Variants in CELSR1 observed in about 807,000 individuals in gnomAD.
The protein encoded by CELSR1 is adhesion G protein-coupled receptor C1.
CELSR1 carries 110 observed loss-of-function variants against 249.1 expected under a neutral mutation model. That is an observed-to-expected ratio of 0.44 (90% CI 0.38 to 0.52). CELSR1 has a LOEUF of 0.52. Among genes scored for constraint, CELSR1 ranks in the 20% least tolerant of loss-of-function variants. The pLI, the probability that CELSR1 is intolerant of heterozygous loss-of-function variation, is 0.00. For missense variants in CELSR1, 4,109 were observed against 4,296.4 expected, an observed-to-expected ratio of 0.96 and a Z score of 1.22; for synonymous variants, 2,113 against 1,900.0, an observed-to-expected ratio of 1.11 and a Z score of -2.92.
chr22:46,515,353 T>G (rs530147774), intron 1 of CELSR1, among the ~76,000 whole-genome samples: 2 of 152,274 alleles, frequency 1.3e-5, no homozygotes, highest in South Asian at 2.1e-4. Context: ...AAAGGCTAGC[T>G]TGTGAGTGGA....
In CELSR1 at chr22:46,415,953, C is replaced by T. The variant is rs376840839; in HGVS notation, c.4612-4194G>A. ...AAGTGCGTCTCCGCTGAAAGGCCGG[C>T]GTGGAGCACGAGGCGGCGGCAGAGA... On this transcript the variant is annotated intron_variant, in intron 5 of 34. Transcript: ENST00000674500. Among the ~76,000 whole-genome samples, 88 of 152,326 alleles carry T rather than the reference C, an allele frequency of 5.8e-4. 1 individual carries two copies. The highest frequency in any genetic ancestry group is 3.9e-3 in the East Asian group (20 of 5,188).
Position 46,517,521 on chromosome 22 carries a change from G to A in CELSR1, c.3544+16106C>T, listed in dbSNP as rs901817582. 6.6e-6 allele frequency among the ~76,000 whole-genome samples: 1 copy of A among 152,138 alleles called. No individual in the cohort carries two copies. Among genetic ancestry groups the A allele is most frequent in the Non-Finnish European group, 1.5e-5 (1 of 68,030 alleles). On this transcript the variant is annotated intron_variant, in intron 1 of 34. Transcript: ENST00000674500. This position sits in a 1 kb window ranked among gnomAD's most constrained non-coding sequence, Gnocchi z 5.4. ...GTGCACTGTCCCGGCGCCCCAGGCCGGCTCTTGTCTTGGTACCTCTGTCCA... is the reference window on the plus strand; with the variant it reads ...GTGCACTGTCCCGGCGCCCCAGGCCAGCTCTTGTCTTGGTACCTCTGTCCA...
At chr22:46,366,717 C>A (rs985041208) in intron 29 of CELSR1, among the ~76,000 whole-genome samples, 2 of 152,190 alleles carry the variant, frequency 1.3e-5, no homozygotes, top group Non-Finnish European at 2.9e-5. Context: ...GCCCTCCCTA[C>A]GGCCACTGCT....
At chr22:46,450,755 A>C (rs1269179680) in intron 2 of CELSR1, among the ~76,000 whole-genome samples, 2 of 152,120 alleles carry the variant, frequency 1.3e-5, no homozygotes, top group Admixed American at 1.3e-4. Context: ...CCCCATTCCA[A>C]ACCCCCACAG....
At chr22:46,492,147 G>C (rs950466756) in intron 1 of CELSR1, among the ~76,000 whole-genome samples, 1 of 152,192 alleles carries the variant, frequency 6.6e-6, no homozygotes, top group Non-Finnish European at 1.5e-5. Flanking sequence ...TGCTTCCCAG[G>C]CTCCAGCAGG....
Position 46,366,438 on chromosome 22 carries a change from T to G in CELSR1, c.8248A>C (p.Met2750Leu). 2 of 1,550,288 alleles carry G rather than the reference T, an allele frequency of 1.3e-6. No homozygotes were observed. Among genetic ancestry groups the G allele is most frequent in the African/African-American group, 2.7e-5 (2 of 73,002 alleles). ...GACTCGCCCAAGTCTGTGCGCAGCATGTCAGGCCCGTCACCGAAGGTGGTG... is the reference window on the plus strand; with the variant it reads ...GACTCGCCCAAGTCTGTGCGCAGCAGGTCAGGCCCGTCACCGAAGGTGGTG... ...CNTTFGDGPD[M>L]LRTDLGESTA... is the part of the protein sequence containing the mutation. The change falls in exon 30 of 35, where the codon ATG becomes CTG. Residue 2750 changes from methionine (M) to leucine (L), a missense_variant. By Grantham distance (15) the Met-to-Leu change is conservative (BLOSUM62 2). Coordinates refer to ENST00000674500, the MANE Select transcript of CELSR1 (RefSeq NM_001378328.1).
rs1163609477 is a variant in CELSR1 at position 46,464,987 on chromosome 22, A to T, written c.3545-642T>A. 6.6e-6 allele frequency among the ~76,000 whole-genome samples: 1 copy of T among 152,228 alleles called. No individual in the cohort carries two copies. The highest frequency in any genetic ancestry group is 1.9e-4 in the East Asian group (1 of 5,194). On this transcript the variant is annotated intron_variant, in intron 1 of 34. Coordinates refer to ENST00000674500, the MANE Select transcript of CELSR1 (RefSeq NM_001378328.1). The surrounding 1 kb of genome is among the most constrained non-coding windows in gnomAD (Gnocchi z 8.5). The stretch of plus-strand genomic sequence containing the variant: ...AGGAGGGGCCGAGGAGCACCGCTTT[A>T]CAAAGACACACAGCAGCCTCTCAGC...
intron 9 of CELSR1, among the ~76,000 whole-genome samples, chr22:46,404,706 C>A (rs186436178): frequency 2.0e-3 from 301 of 152,306 alleles, no homozygotes; most frequent in Middle Eastern, 3.4e-3. Flanking sequence ...CCAGGCTGGT[C>A]TTGAACTCCT....
At chr22:46,492,193 G>C (rs541032836) in intron 1 of CELSR1, among the ~76,000 whole-genome samples, 1 of 152,156 alleles carries the variant, frequency 6.6e-6, no homozygotes, top group Non-Finnish European at 1.5e-5. Context: ...GAATGAAGCC[G>C]GCCAACATGC....
intron 9 of CELSR1, among the ~76,000 whole-genome samples, chr22:46,405,183 G>T (rs187369202): frequency 1.6e-4 from 25 of 151,534 alleles, no homozygotes; most frequent in African/African-American, 6.0e-4. Flanking sequence ...TTGCTTGGCC[G>T]TGCACAGTGG....
chr22:46,451,101 C>T (rs563587153), intron 2 of CELSR1, among the ~76,000 whole-genome samples: 261 of 152,320 alleles, frequency 1.7e-3, no homozygotes, highest in Non-Finnish European at 3.0e-3. Flanking sequence ...TCAGCACCCA[C>T]GTCTGCCCTT....
At chr22:46,365,032 G>A (rs1043840487) in intron 32 of CELSR1, among the ~76,000 whole-genome samples, 199 bp downstream of exon 32, 7 of 152,210 alleles carry the variant, frequency 4.6e-5, no homozygotes, top group African/African-American at 1.4e-4. Flanking sequence ...TCCTGCCTCC[G>A]CTCAGGGGGT....
intron 1 of CELSR1, among the ~76,000 whole-genome samples, chr22:46,521,034 C>T (rs1380917766): frequency 6.6e-5 from 10 of 152,174 alleles, no homozygotes; most frequent in Admixed American, 4.6e-4. Context: ...GGTTCACCCA[C>T]GTTGTAGTAA....
At chr22:46,462,851 T>C (rs2080047267) in intron 2 of CELSR1, 2 of 434,192 alleles carry the variant, frequency 4.6e-6, no homozygotes, top group Non-Finnish European at 9.3e-6. Context: ...GTAATTCATC[T>C]TGGTGATGAG....
In CELSR1 at chr22:46,536,978, G is replaced by A; in HGVS notation, c.193C>T (p.Leu65=). Residue 65 remains leucine, a synonymous_variant, in exon 1 of 35, where the codon CTG becomes TTG. Coordinates refer to ENST00000674500, the MANE Select transcript of CELSR1 (RefSeq NM_001378328.1). ...ACTPRAPREL[L]DVGRDGRLAG... is the part of the protein sequence containing the mutation. The stretch of plus-strand genomic sequence containing the variant: ...AGCCGCCCATCGCGGCCCACGTCCA[G>A]CAGCTCCCGCGGCGCCCGGGGCGTG... The A allele has an allele frequency of 8.8e-7, 1 of 1,132,984 alleles. No individual in the cohort carries two copies. The highest frequency in any genetic ancestry group is 3.7e-5 in the South Asian group (1 of 26,858). 70.2% of individuals were successfully genotyped at this position (1,132,984 alleles called of 1,614,324 possible).
intron 30 of CELSR1, among the ~76,000 whole-genome samples, chr22:46,366,088 C>A (rs1480182797): frequency 3.7e-4 from 2 of 5,376 alleles, no homozygotes; most frequent in African/African-American, 9.2e-3. Flanking sequence ...GGGAAGGCTG[C>A]GGGGGGAAGG....
chr22:46,507,911 T>A (rs1004961528), intron 1 of CELSR1, among the ~76,000 whole-genome samples: 5 of 152,026 alleles, frequency 3.3e-5, no homozygotes, highest in Non-Finnish European at 7.4e-5. Context: ...CACACCCCCC[T>A]ACCTCCCACC....
chr22:46,415,577 T>TA (rs369538401), intron 5 of CELSR1, among the ~76,000 whole-genome samples: 25 of 151,898 alleles, frequency 1.6e-4, no homozygotes, highest in African/African-American at 5.8e-4. Context: ...GAAGCCCCTT[T>TA]AAAGCTTAAT....
In CELSR1 at chr22:46,490,565, A is replaced by G. The variant is rs1363715524; in HGVS notation, c.3545-26220T>C. Among the ~76,000 whole-genome samples the G allele has an allele frequency of 6.6e-6, 1 of 152,092 alleles. No homozygotes were observed. The highest frequency in any genetic ancestry group is 1.5e-5 in the Non-Finnish European group (1 of 68,026). On this transcript the variant is annotated intron_variant, in intron 1 of 34. Coordinates refer to ENST00000674500, the MANE Select transcript of CELSR1 (RefSeq NM_001378328.1). This position sits in a 1 kb window ranked among gnomAD's most constrained non-coding sequence, Gnocchi z 5.2. Reference sequence around the variant, plus strand: ...GCCTCCCAAAATGTTGAGATCAGCCAACCGAAACCCACTTTTCAAGCAGGA... The same window carrying G: ...GCCTCCCAAAATGTTGAGATCAGCCGACCGAAACCCACTTTTCAAGCAGGA...
Sources: gnomAD v4.1 joint callset for allele counts (sites outside exome capture counted in the v4.1 genomes callset) on GRCh38, gnomAD v4.1.1 for gene constraint, Gnocchi (gnomAD v3.1) non-coding constraint, MANE v1.5 for transcripts, NCBI Gene and HGNC (gene_info 2026-07-23, HGNC 2026-07-21) for gene names.